Variants in PDE6B observed in about 807,000 individuals in gnomAD.
PDE6B encodes the protein rod cGMP-specific 3',5'-cyclic phosphodiesterase subunit beta.
In PDE6B, 106 loss-of-function variants were observed where a neutral mutation model predicts 109.0. The ratio of observed to expected loss-of-function variants is 0.97; its 90% confidence interval spans 0.83 to 1.14. PDE6B has a LOEUF of 1.14. Ranked by LOEUF, PDE6B falls within the 50% of genes most tolerant of loss-of-function variation. PDE6B has a pLI of 0.00. For synonymous variants in PDE6B, 490 were observed against 471.3 expected, an observed-to-expected ratio of 1.04 and a Z score of -0.51; for missense variants, 1,193 against 1,155.6, an observed-to-expected ratio of 1.03 and a Z score of -0.47.
intron 1 of PDE6B, among the ~76,000 whole-genome samples, chr4:630,612 G>C (rs1251966316): frequency 6.6e-6 from 1 of 152,220 alleles, no homozygotes; most frequent in African/African-American, 2.4e-5. Flanking sequence ...GGAGCCCCTG[G>C]GCTGGGCCAG....
intron 5 of PDE6B, chr4:654,390 C>A (rs73792335): frequency 1.5e-6 from 1 of 653,006 alleles, no homozygotes; most frequent in Admixed American, 2.2e-5. Context: ...TGAAGACCCA[C>A]GTCGGCTCTG....
At chr4:647,870 C>T (rs1037131165) in intron 3 of PDE6B, among the ~76,000 whole-genome samples, 6 of 151,916 alleles carry the variant, frequency 3.9e-5, no homozygotes, top group Non-Finnish European at 5.9e-5. Flanking sequence ...GTCAGGAGTT[C>T]GAGACCAGCC....
intron 2 of PDE6B, 56 bp downstream of exon 2, chr4:634,885 G>A (rs1280554589): frequency 2.2e-5 from 33 of 1,495,356 alleles, no homozygotes; most frequent in South Asian, 5.7e-5. Flanking sequence ...CTGCCTGCCC[G>A]CCCGCCTGTT....
chr4:635,997 C>G, intron 3 of PDE6B, 28 bp downstream of exon 3: 1 of 1,334,056 alleles, frequency 7.5e-7, no homozygotes, highest in Non-Finnish European at 1.1e-6. Flanking sequence ...ACAGCTCTGC[C>G]CACGAGGGCC....
chr4:640,240 T>A (rs1382110384), intron 3 of PDE6B, among the ~76,000 whole-genome samples: 1 of 152,080 alleles, frequency 6.6e-6, no homozygotes, highest in Admixed American at 6.5e-5. Context: ...TTAAATTTTA[T>A]TATAATAAAG....
rs752968664 is a variant in PDE6B, at chr4:666,628, G to C, written c.2352+14G>C. The stretch of plus-strand genomic sequence containing the variant: ...TTCGTGTACAAGGCGAGTGGTTCAC[G>C]GGTGTTCCGAGCTGACTGGGGCAGG... On this transcript the variant is annotated intron_variant, in intron 20 of 21. Transcript: ENST00000496514. The surrounding 1 kb of genome is among the most constrained non-coding windows in gnomAD (Gnocchi z 5.6). The C allele has an allele frequency of 3.2e-6, 5 of 1,583,858 alleles. No homozygotes were observed. Among genetic ancestry groups the C allele is most frequent in the South Asian group, 1.1e-5 (1 of 90,464 alleles).
rs1262548046 is a variant in PDE6B at position 626,043 on chromosome 4, G to T, written c.417G>T (p.Val139=). 6 of 1,595,648 alleles carry T rather than the reference G, an allele frequency of 3.8e-6. No individual in the cohort carries two copies. The highest frequency in any genetic ancestry group is 5.1e-6 in the Non-Finnish European group (6 of 1,171,990). ...EIVFPLDIGV[V]GHVAQTKKMV... ...TCTTCCCACTGGACATCGGGGTCGTGGGCCACGTGGCTCAGACCAAAAAGA... is the reference window on the plus strand; with the variant it reads ...TCTTCCCACTGGACATCGGGGTCGTTGGCCACGTGGCTCAGACCAAAAAGA... Residue 139 remains valine, a synonymous_variant, in exon 1 of 22, where the codon GTG becomes GTT. Transcript: ENST00000496514. The surrounding 1 kb of genome is among the most constrained non-coding windows in gnomAD (Gnocchi z 4.6).
At chr4:664,065 G>A (rs1737477958) in intron 16 of PDE6B, 49 bp from the exon 17 acceptor site, 1 of 1,332,836 alleles carries the variant, frequency 7.5e-7, no homozygotes, top group African/African-American at 1.5e-5. Flanking sequence ...CTTGGGGCGG[G>A]GTCTCCACAC....
At chr4:640,609 C>G (rs1045941800) in intron 3 of PDE6B, among the ~76,000 whole-genome samples, 1 of 152,208 alleles carries the variant, frequency 6.6e-6, no homozygotes, top group East Asian at 1.9e-4. Context: ...TCTAAAAACT[C>G]ATCACTAAAC....
At chr4:634,856 C>T (rs547566301) in intron 2 of PDE6B, 27 bp downstream of exon 2, 117 of 1,607,018 alleles carry the variant, frequency 7.3e-5, no homozygotes, top group Non-Finnish European at 8.9e-5. Context: ...CCTGGGCAGC[C>T]GCGCGTCTGC....
At chr4:669,364 A>T (rs1354934763) in intron 21 of PDE6B, among the ~76,000 whole-genome samples, 1 of 60,998 alleles carries the variant, frequency 1.6e-5, no homozygotes, top group Non-Finnish European at 3.0e-5. Flanking sequence ...TATTCCCACT[A>T]CCCCATGCTA....
intron 11 of PDE6B, among the ~76,000 whole-genome samples, chr4:659,555 A>G (rs1384191768): frequency 1.3e-5 from 2 of 150,422 alleles, no homozygotes; most frequent in East Asian, 2.0e-4. Context: ...ACAGGTGTGT[A>G]CATGTGTGCA....
chr4:629,064 T>C (rs927479769), intron 1 of PDE6B, among the ~76,000 whole-genome samples: 7 of 151,828 alleles, frequency 4.6e-5, no homozygotes, highest in East Asian at 1.9e-4. Context: ...CCCCCCTCCA[T>C]CCCTCCCAAC....
At chr4:653,656 T>C in intron 3 of PDE6B, 196 bp from the exon 4 acceptor site, 1 of 670,916 alleles carries the variant, frequency 1.5e-6, no homozygotes, top group Non-Finnish European at 2.6e-6. Context: ...GCCAGCCAGC[T>C]CCCGGGCCCC....
At chr4:644,003 C>A (rs887807480) in intron 3 of PDE6B, among the ~76,000 whole-genome samples, 3 of 148,510 alleles carry the variant, frequency 2.0e-5, no homozygotes, top group African/African-American at 7.5e-5. Flanking sequence ...ACTGCAACCT[C>A]CACCTCCCGG....
chr4:664,174 C>A lies in PDE6B; in HGVS notation c.2082C>A (p.Ser694Arg). The A allele has an allele frequency of 6.2e-7, 1 of 1,612,062 alleles. No individual in the cohort carries two copies. Among genetic ancestry groups the A allele is most frequent in the Non-Finnish European group, 8.5e-7 (1 of 1,178,356 alleles). The change falls in exon 17 of 22, where the codon AGC becomes AGA. Residue 694 changes from serine (S) to arginine (R), a missense_variant. Physicochemically the swap from Ser to Arg is moderately radical, Grantham distance 110 (BLOSUM62 -1). Transcript: ENST00000496514. ...CCAAGAACTACCAGGACAAGAAGAG[C>A]TGGGTGGAGTACCTGTCCCTGGAGA... ...DESKNYQDKKSWVEYLSLETT... is the reference protein window; with the variant it reads ...DESKNYQDKKRWVEYLSLETT...
intron 8 of PDE6B, 73 bp downstream of exon 8, chr4:656,365 T>C: frequency 9.5e-7 from 1 of 1,049,366 alleles, no homozygotes; most frequent in Non-Finnish European, 1.5e-6. Flanking sequence ...GATGATGAAG[T>C]GAATTCGTTT....
intron 3 of PDE6B, among the ~76,000 whole-genome samples, chr4:651,299 AG>A (rs1197784695): frequency 6.6e-6 from 1 of 150,608 alleles, no homozygotes; most frequent in Admixed American, 6.6e-5. Flanking sequence ...CAGGCGGGGC[AG>A]GGGCTGACCC....
chr4:629,530 G>A (rs547258614), intron 1 of PDE6B, among the ~76,000 whole-genome samples: 1 of 152,334 alleles, frequency 6.6e-6, no homozygotes, highest in Non-Finnish European at 1.5e-5. Flanking sequence ...CCTCTCCCTG[G>A]GACCGTCATG....
Sources: allele counts gnomAD v4.1 joint callset (sites outside exome capture counted in the v4.1 genomes callset), GRCh38; gene constraint gnomAD v4.1.1; non-coding constraint Gnocchi (gnomAD v3.1); transcripts MANE v1.5; gene names NCBI Gene and HGNC (gene_info 2026-07-23, HGNC 2026-07-21).